Variants in DYNC1I1 observed in about 807,000 individuals in gnomAD.
The protein encoded by DYNC1I1 is cytoplasmic dynein 1 intermediate chain 1.
A neutral mutation model predicts 86.6 loss-of-function variants in DYNC1I1; 43 were observed. The ratio of observed to expected loss-of-function variants is 0.50; its 90% CI spans 0.39 to 0.64. DYNC1I1 has a LOEUF of 0.64. Ranked by LOEUF, DYNC1I1 falls within the 30% of genes least tolerant of loss-of-function variation. The pLI, the probability that DYNC1I1 is intolerant of heterozygous loss-of-function variation, is 0.00. For synonymous variants in DYNC1I1, 262 were observed against 283.7 expected (o/e 0.92, Z 0.77); for missense variants, 604 against 788.8 (o/e 0.77, Z 2.81).
chr7:95,865,720 C>T (rs531479299), intron 5 of DYNC1I1, among the ~76,000 whole-genome samples: 5 of 152,226 alleles, frequency 3.3e-5, no homozygotes, highest in Admixed American at 6.5e-5. Flanking sequence ...CAACTGCCTA[C>T]GGTATTTAGT....
intron 16 of DYNC1I1, among the ~76,000 whole-genome samples, chr7:96,087,907 C>T (rs75997703): frequency 0.033 from 5,035 of 152,146 alleles, 243 homozygotes; most frequent in East Asian, 0.22. Flanking sequence ...TTTGTCATAA[C>T]AAATTATATG....
chr7:96,026,173 A>T (rs1794678139), intron 10 of DYNC1I1, among the ~76,000 whole-genome samples: 1 of 152,146 alleles, frequency 6.6e-6, no homozygotes, highest in Non-Finnish European at 1.5e-5. Context: ...TGAAAACCAG[A>T]TTGGGGCATG....
At chr7:95,854,405 C>T (rs1457910742) in intron 5 of DYNC1I1, among the ~76,000 whole-genome samples, 2 of 152,042 alleles carry the variant, frequency 1.3e-5, no homozygotes, top group African/African-American at 4.8e-5. Flanking sequence ...ATTTTGATTG[C>T]AAGAAGAAAA....
At chr7:95,844,098 A>T (rs1288366239) in intron 5 of DYNC1I1, among the ~76,000 whole-genome samples, 1 of 152,226 alleles carries the variant, frequency 6.6e-6, no homozygotes, top group Admixed American at 6.5e-5. Context: ...ACATAAGAAG[A>T]GCAGGGCTGG....
chr7:95,899,970 A>G (rs929345077), intron 6 of DYNC1I1, among the ~76,000 whole-genome samples: 11 of 152,164 alleles, frequency 7.2e-5, no homozygotes, highest in African/African-American at 1.9e-4. Context: ...TGTGCTTATT[A>G]TCATGTAGGT....
At chr7:95,916,058 A>G (rs2116359413) in intron 6 of DYNC1I1, among the ~76,000 whole-genome samples, 1 of 152,322 alleles carries the variant, frequency 6.6e-6, no homozygotes, top group South Asian at 2.1e-4. Flanking sequence ...ATTTTTCTCT[A>G]AGAATATATG....
At chr7:96,000,905 G>A (rs1793994423) in intron 10 of DYNC1I1, among the ~76,000 whole-genome samples, 1 of 152,184 alleles carries the variant, frequency 6.6e-6, no homozygotes, top group African/African-American at 2.4e-5. Flanking sequence ...GAGTATGCGA[G>A]GGACCAAGTG....
At chr7:96,054,966 TG>T (rs1439662438) in intron 14 of DYNC1I1, among the ~76,000 whole-genome samples, 1 of 152,202 alleles carries the variant, frequency 6.6e-6, no homozygotes, top group African/African-American at 2.4e-5. Flanking sequence ...GTTCTTTAGT[TG>T]TATTAGATCT....
At position 95,977,545 on chromosome 7, in the gene DYNC1I1, A is replaced by G; in HGVS notation, c.524A>G (p.Lys175Arg). The G allele has an allele frequency of 6.2e-7, 1 of 1,613,498 alleles. No individual in the cohort carries two copies. Among genetic ancestry groups the G allele is most frequent in the Non-Finnish European group, 8.5e-7 (1 of 1,179,738 alleles). Residue 175 changes from lysine to arginine, a missense_variant, in exon 7 of 17, where the codon AAA (lysine) becomes AGA (arginine). Coordinates refer to ENST00000447467, the MANE Select transcript of DYNC1I1 (RefSeq NM_001135556.2). ...GAAGATGAGGAAATGGTGGAATCTAAAGTTGGCCAGGACTCAGAACTGGAA... is the reference window on the plus strand; with the variant it reads ...GAAGATGAGGAAATGGTGGAATCTAGAGTTGGCCAGGACTCAGAACTGGAA... ...DEEDEEMVESKVGQDSELENQ... is the reference protein window; with the variant it reads ...DEEDEEMVESRVGQDSELENQ...
At chr7:95,893,563 A>C (rs546704658) in intron 6 of DYNC1I1, among the ~76,000 whole-genome samples, 92 of 152,240 alleles carry the variant, frequency 6.0e-4, no homozygotes, top group Non-Finnish European at 1.2e-4. Flanking sequence ...TTATAGTCCC[A>C]TAATTGCTTG....
chr7:95,853,188 T>A (rs533520039), intron 5 of DYNC1I1, among the ~76,000 whole-genome samples: 1 of 152,336 alleles, frequency 6.6e-6, no homozygotes, highest in East Asian at 1.9e-4. Context: ...CCTAAACTCA[T>A]GTTGAAATTT....
intron 6 of DYNC1I1, among the ~76,000 whole-genome samples, chr7:95,913,680 A>G (rs1791396976): frequency 6.6e-6 from 1 of 152,180 alleles, no homozygotes; most frequent in African/African-American, 2.4e-5. Flanking sequence ...ATCTTTATTA[A>G]CAGCATGAGA....
intron 7 of DYNC1I1, among the ~76,000 whole-genome samples, chr7:95,982,994 G>A (rs186187003): frequency 6.6e-6 from 1 of 152,230 alleles, no homozygotes; most frequent in Admixed American, 6.5e-5. Context: ...TTAAAGTTTA[G>A]GTATCATCCC....
chr7:95,775,947 TAA>T (rs1793829157), intron 1 of DYNC1I1, among the ~76,000 whole-genome samples: 1 of 152,216 alleles, frequency 6.6e-6, no homozygotes, highest in African/African-American at 2.4e-5. Flanking sequence ...GAGGTCCATG[TAA>T]AAGTTATTCC....
chr7:96,088,666 C>T (rs768538366), intron 16 of DYNC1I1, among the ~76,000 whole-genome samples: 4 of 152,116 alleles, frequency 2.6e-5, no homozygotes, highest in African/African-American at 4.8e-5. Context: ...CGGGCCTGTA[C>T]AGAATGGAGT....
intron 6 of DYNC1I1, among the ~76,000 whole-genome samples, chr7:95,916,440 G>T (rs1355523671): frequency 2.6e-5 from 4 of 152,064 alleles, no homozygotes; most frequent in African/African-American, 9.7e-5. Flanking sequence ...TTCCTCTAAA[G>T]GGGAAAATTT....
chr7:95,999,232 T>C (rs567645270), intron 10 of DYNC1I1, among the ~76,000 whole-genome samples: 2 of 152,324 alleles, frequency 1.3e-5, no homozygotes, highest in Non-Finnish European at 2.9e-5. Flanking sequence ...CTTTCTCTTT[T>C]AAATGGAATG....
intron 7 of DYNC1I1, among the ~76,000 whole-genome samples, chr7:95,983,232 T>C (rs1269740092): frequency 3.3e-5 from 5 of 152,164 alleles, no homozygotes; most frequent in Non-Finnish European, 7.4e-5. Context: ...TAGAAGTTAA[T>C]GGGGTCCTTG....
At chr7:95,818,310 CTT>C (rs34017535) in intron 4 of DYNC1I1, among the ~76,000 whole-genome samples, 2 of 138,620 alleles carry the variant, frequency 1.4e-5, no homozygotes, top group Non-Finnish European at 3.2e-5. Context: ...TTTTTTAAAT[CTT>C]TTTTTTTTTT....
Sources: gnomAD v4.1 joint callset for allele counts (sites outside exome capture counted in the v4.1 genomes callset) on GRCh38, gnomAD v4.1.1 for gene constraint, MANE v1.5 for transcripts, NCBI Gene and HGNC (gene_info 2026-07-23, HGNC 2026-07-21) for gene names.